The following ADGRG7 variants were observed in gnomAD, a reference collection of about 807,000 sequenced individuals.
The protein encoded by ADGRG7 is G-protein coupled receptor 128.
Under a neutral mutation model 88.6 loss-of-function variants are expected in ADGRG7, and 82 were observed. The observed-to-expected ratio is 0.93, with a 90% CI of 0.77 to 1.11. The LOEUF is 1.11. Among genes scored for constraint, ADGRG7 ranks in the 50% most tolerant of loss-of-function variants. The pLI is 0.00. For synonymous variants in ADGRG7, 381 were observed against 345.2 expected, an observed-to-expected ratio of 1.10 and a Z score of -1.15; for missense variants, 945 against 953.4, an observed-to-expected ratio of 0.99 and a Z score of 0.12.
rs1261723321 is a variant in ADGRG7 at position 100,633,370 on chromosome 3, A to T, written c.440A>T (p.Glu147Val). ...TGCAATGAAAATCTGGAAACCCTGG[A>T]AAAGCAGGTATGCCATATGACTCAC... ...GNCNENLETL[E>V]KQVKDVTAPL... Residue 147 changes from glutamate to valine, a missense_variant, in exon 4 of 16, where the codon GAA becomes GTA. Physicochemically the swap from Glu to Val is moderately radical, Grantham distance 121 (BLOSUM62 -2). Coordinates refer to ENST00000273352, the MANE Select transcript of ADGRG7 (RefSeq NM_032787.3). 3 of 1,575,004 alleles carry T rather than the reference A, an allele frequency of 1.9e-6. No homozygotes were observed. The highest frequency in any genetic ancestry group is 2.6e-6 in the Non-Finnish European group (3 of 1,157,388).
rs767327341 is a variant in ADGRG7, at chr3:100,654,956, G to A, written c.1501G>A (p.Gly501Ser). 3 of 1,613,952 alleles carry A rather than the reference G, an allele frequency of 1.9e-6. No homozygotes were observed. The South Asian group carries it at 3.3e-5, about 18-fold the overall frequency. Residue 501 changes from glycine to serine, a missense_variant, in exon 12 of 16, where the codon GGT (glycine) becomes AGT (serine). Coordinates refer to ENST00000273352, the MANE Select transcript of ADGRG7 (RefSeq NM_032787.3). ...NSNKNLQTSD[G>S]DINNIDFDNN... ...CAATAAGAACTTGCAGACAAGTGAT[G>A]GTGACATCAATAATATTGACTTTGA...
At chr3:100,643,658 T>TAAAAAAATGGACTCG (rs1559677347) in intron 8 of ADGRG7, 25 bp downstream of exon 8, 1 of 1,476,312 alleles carries the variant, frequency 6.8e-7, no homozygotes, top group Admixed American at 1.8e-5. Context: ...TTGTGACATT[T>TAAAAAAATGGACTCG]AAAAAAATGG....
intron 13 of ADGRG7, 21 bp downstream of exon 13, chr3:100,656,016 A>C (rs778820912): frequency 6.8e-7 from 1 of 1,465,262 alleles, no homozygotes; most frequent in Non-Finnish European, 9.6e-7. Context: ...ATTTTTTTAA[A>C]TGTCCAATTG....
chr3:100,642,541 T>C (rs894802133), intron 6 of ADGRG7, among the ~76,000 whole-genome samples: 5 of 152,226 alleles, frequency 3.3e-5, no homozygotes, highest in African/African-American at 1.2e-4. Context: ...ACTAGACTGA[T>C]TATTTTACAT....
intron 10 of ADGRG7, among the ~76,000 whole-genome samples, chr3:100,649,300 T>C (rs79397935): frequency 0.023 from 3,438 of 152,234 alleles, 136 homozygotes; most frequent in African/African-American, 0.079. Context: ...AGATGGAAAA[T>C]AACAGTATTT....
intron 14 of ADGRG7, among the ~76,000 whole-genome samples, chr3:100,663,622 T>C (rs2094948282): frequency 6.6e-6 from 1 of 151,968 alleles, no homozygotes; most frequent in Non-Finnish European, 1.5e-5. Context: ...GAAAATTCCA[T>C]CTTTACTTCT....
chr3:100,616,591 A>G (rs543241630), intron 1 of ADGRG7, among the ~76,000 whole-genome samples: 38 of 152,288 alleles, frequency 2.5e-4, no homozygotes, highest in Non-Finnish European at 4.6e-4. Flanking sequence ...CTGGAGTGTC[A>G]CTTGAAGCCA....
chr3:100,668,922 T>C, intron 14 of ADGRG7, 27 bp from the exon 15 acceptor site: 1 of 1,545,098 alleles, frequency 6.5e-7, no homozygotes, highest in Non-Finnish European at 8.7e-7. Flanking sequence ...ATGAACCACA[T>C]TATTTTTCTT....
intron 15 of ADGRG7, among the ~76,000 whole-genome samples, chr3:100,684,618 A>T (rs1216428754): frequency 6.6e-6 from 1 of 152,172 alleles, no homozygotes; most frequent in Non-Finnish European, 1.5e-5. Context: ...TTAGTTAAAT[A>T]GTAGCTATTA....
chr3:100,645,014 G>A lies in ADGRG7; in HGVS notation c.947-931G>A, dbSNP rs112957736. 5.4e-3 allele frequency among the ~76,000 whole-genome samples: 822 copies of A among 152,274 alleles called. 6 individuals are homozygous for A. Among genetic ancestry groups the A allele is most frequent in the African/African-American group, 0.018 (765 of 41,538 alleles). ...AATGGCCACAGAGGAGGACAATTTG[G>A]GGGCTGTCGGGGCCTTGCCTGTCTC... is the stretch of plus-strand genomic sequence containing the variant. On this transcript the variant is annotated intron_variant, in intron 8 of 15. Coordinates refer to ENST00000273352, the MANE Select transcript of ADGRG7 (RefSeq NM_032787.3).
chr3:100,689,145 C>G (rs972295059), intron 15 of ADGRG7, among the ~76,000 whole-genome samples: 2 of 152,118 alleles, frequency 1.3e-5, no homozygotes, highest in African/African-American at 4.8e-5. Context: ...CCTTCTTTGT[C>G]TGTTTTGATC....
intron 5 of ADGRG7, among the ~76,000 whole-genome samples, chr3:100,636,819 C>T (rs528173189): frequency 3.3e-5 from 5 of 152,180 alleles, no homozygotes; most frequent in African/African-American, 1.2e-4. Context: ...TAATCAAATG[C>T]CAAAAGATCA....
At chr3:100,684,009 A>G (rs1317605507) in intron 15 of ADGRG7, among the ~76,000 whole-genome samples, 1 of 152,144 alleles carries the variant, frequency 6.6e-6, no homozygotes, top group East Asian at 1.9e-4. Flanking sequence ...GGTATTTAAT[A>G]TATCTGTGGA....
At chr3:100,618,304 T>C (rs887674882) in intron 1 of ADGRG7, among the ~76,000 whole-genome samples, 3 of 152,202 alleles carry the variant, frequency 2.0e-5, no homozygotes, top group African/African-American at 7.2e-5. Context: ...GCCTATGTCC[T>C]GAATGGTATT....
intron 15 of ADGRG7, among the ~76,000 whole-genome samples, chr3:100,693,315 C>G (rs1391824720): frequency 1.3e-5 from 2 of 152,134 alleles, no homozygotes; most frequent in Non-Finnish European, 2.9e-5. Context: ...TTCTCATGTG[C>G]CCCAAATAAA....
intron 6 of ADGRG7, among the ~76,000 whole-genome samples, chr3:100,641,697 G>C (rs565555650): frequency 1.1e-4 from 17 of 152,330 alleles, no homozygotes; most frequent in African/African-American, 4.1e-4. Context: ...ATTGCCATAT[G>C]GACCCTGGAG....
intron 4 of ADGRG7, among the ~76,000 whole-genome samples, chr3:100,634,699 G>C (rs1707507766): frequency 6.6e-6 from 1 of 152,162 alleles, no homozygotes; most frequent in Non-Finnish European, 1.5e-5. Context: ...GCTAAATTTG[G>C]AATCTGGCAA....
At position 100,648,930 on chromosome 3, in the gene ADGRG7, G is replaced by A. The variant is rs553035826; in HGVS notation, c.1267-765G>A. On this transcript the variant is annotated intron_variant, in intron 10 of 15. Transcript: ENST00000273352. ...CATATTTTCATATATATATACACACGCAAACATGTTGAGAGATATATAGCT... is the reference window on the plus strand; with the variant it reads ...CATATTTTCATATATATATACACACACAAACATGTTGAGAGATATATAGCT... 7.9e-5 allele frequency among the ~76,000 whole-genome samples: 12 copies of A among 151,980 alleles called. No individual in the cohort carries two copies. The South Asian group carries it at 1.2e-3, about 16-fold the overall frequency.
chr3:100,664,313 A>T (rs1365532385), intron 14 of ADGRG7, among the ~76,000 whole-genome samples: 1 of 152,170 alleles, frequency 6.6e-6, no homozygotes, highest in Non-Finnish European at 1.5e-5. Context: ...ATGAAGTGTT[A>T]TTAACCTAGA....
Sources: allele counts gnomAD v4.1 joint callset (sites outside exome capture counted in the v4.1 genomes callset), GRCh38; gene constraint gnomAD v4.1.1; transcripts MANE v1.5; gene names NCBI Gene and HGNC (gene_info 2026-07-23, HGNC 2026-07-21).